The following MAGI1 variants were observed in gnomAD, a reference collection of about 807,000 sequenced individuals.
MAGI1 encodes membrane associated guanylate kinase, WW and PDZ domain containing 1.
Under a neutral mutation model 139.9 loss-of-function variants are expected in MAGI1, and 58 were observed. The ratio of observed to expected loss-of-function variants is 0.41; its 90% CI spans 0.34 to 0.52. The LOEUF (loss-of-function observed/expected upper bound fraction) is 0.52. Ranked by LOEUF, MAGI1 falls within the 20% of genes least tolerant of loss-of-function variation. The pLI is 0.12. For missense variants in MAGI1, 1,874 were observed against 1,901.6 expected, an observed-to-expected ratio of 0.99 and a Z score of 0.27; for synonymous variants, 812 against 737.9, an observed-to-expected ratio of 1.10 and a Z score of -1.63.
intron 1 of MAGI1, among the ~76,000 whole-genome samples, chr3:65,848,257 A>G (rs2059076773): frequency 6.6e-6 from 1 of 152,236 alleles, no homozygotes; most frequent in African/African-American, 2.4e-5. Flanking sequence ...AAGAAAACCA[A>G]ATGAGAAACA....
intron 2 of MAGI1, among the ~76,000 whole-genome samples, chr3:65,558,284 G>A (rs1023633869): frequency 1.3e-5 from 2 of 151,986 alleles, no homozygotes; most frequent in African/African-American, 2.4e-5. Context: ...CACTTTATTG[G>A]CCTCCTCTCT....
At chr3:65,683,999 TA>T (rs1273976864) in intron 1 of MAGI1, among the ~76,000 whole-genome samples, 6 of 118,506 alleles carry the variant, frequency 5.1e-5, no homozygotes, top group African/African-American at 2.0e-4. Flanking sequence ...AGCCCATGTC[TA>T]CAAAAAAAAA....
rs1245732603 is a variant in MAGI1, at chr3:65,731,480, C to T, written c.314-109392G>A. On this transcript the variant is annotated intron_variant, in intron 1 of 22. Transcript: ENST00000402939. ...CCAGCCTGGGCAACACAGTGAAGCCCTATCTCTTAAAAAAAAAAAAAAAAA... is the reference window on the plus strand; with the variant it reads ...CCAGCCTGGGCAACACAGTGAAGCCTTATCTCTTAAAAAAAAAAAAAAAAA... Among the ~76,000 whole-genome samples the T allele has an allele frequency of 7.0e-5, 10 of 142,020 alleles. No individual in the cohort carries two copies. The East Asian group carries it at 1.6e-3, about 22-fold the overall frequency. The allele number at this position is 142,020 out of a possible 152,430, so 93.2% of individuals were successfully genotyped here. A position where few individuals can be genotyped will look rare whatever the true frequency, so the allele number is the denominator to read the frequency against.
intron 1 of MAGI1, among the ~76,000 whole-genome samples, chr3:65,834,009 C>G (rs1271907651): frequency 6.6e-6 from 1 of 152,190 alleles, no homozygotes; most frequent in Non-Finnish European, 1.5e-5. Context: ...TTACTCAGCA[C>G]CTACTTCCCT....
At chr3:65,687,958 CAGTT>C (rs1437451641) in intron 1 of MAGI1, 31 of 738,046 alleles carry the variant, frequency 4.2e-5, no homozygotes, top group African/African-American at 3.3e-4. Flanking sequence ...TCTCAGTTCA[CAGTT>C]AAAGTTATCA....
At position 65,569,658 on chromosome 3, in the gene MAGI1, C is replaced by T. The variant is rs545123802; in HGVS notation, c.430+52314G>A. Among the ~76,000 whole-genome samples the T allele has an allele frequency of 2.0e-5, 3 of 152,154 alleles. No individual in the cohort carries two copies. In the South Asian group the frequency reaches 6.2e-4, roughly 32 times the overall value. On this transcript the variant is annotated intron_variant, in intron 2 of 22. Coordinates refer to ENST00000402939, the MANE Select transcript of MAGI1 (RefSeq NM_001033057.2). ...TTGAGAGGCCAAGGTGGGAGGACTG[C>T]TTGAGCCCAGAAGTTGGAGACCAGC...
intron 1 of MAGI1, among the ~76,000 whole-genome samples, chr3:65,920,089 G>A (rs1346433822): frequency 1.3e-5 from 2 of 152,146 alleles, no homozygotes; most frequent in Non-Finnish European, 2.9e-5. Context: ...TTTCTTGGCA[G>A]CCACACTTAT....
chr3:65,884,199 C>T (rs1054965146), intron 1 of MAGI1, among the ~76,000 whole-genome samples: 54 of 152,292 alleles, frequency 3.5e-4, no homozygotes, highest in Admixed American at 2.9e-3. Context: ...AAGAAAAACA[C>T]GTCCGAATAA....
At chr3:65,873,020 T>C (rs1269210589) in intron 1 of MAGI1, 1 of 152,202 alleles carries the variant, frequency 6.6e-6, no homozygotes, top group Non-Finnish European at 1.5e-5. Flanking sequence ...GGTCACGAAG[T>C]TGCACTTAAT....
chr3:65,602,405 C>G (rs954386794), intron 2 of MAGI1, among the ~76,000 whole-genome samples: 1 of 152,038 alleles, frequency 6.6e-6, no homozygotes, highest in Non-Finnish European at 1.5e-5. Flanking sequence ...CATGGATAAA[C>G]CTGAAAACAT....
chr3:65,799,542 T>C (rs886997748), intron 1 of MAGI1, among the ~76,000 whole-genome samples: 1 of 152,234 alleles, frequency 6.6e-6, no homozygotes, highest in Non-Finnish European at 1.5e-5. Flanking sequence ...TTGATCTCAT[T>C]ACTGTGCCTA....
At chr3:65,659,436 T>C (rs989949321) in intron 1 of MAGI1, among the ~76,000 whole-genome samples, 8 of 152,150 alleles carry the variant, frequency 5.3e-5, no homozygotes, top group African/African-American at 1.7e-4. Context: ...ACCTAGAACC[T>C]CATTATATGC....
intron 4 of MAGI1, among the ~76,000 whole-genome samples, chr3:65,471,148 G>GGGT (rs1950538416): frequency 6.6e-6 from 1 of 152,096 alleles, no homozygotes; most frequent in Admixed American, 6.6e-5. Flanking sequence ...AGTATCATGT[G>GGGT]GGTGGACTGA....
At chr3:65,766,245 A>C (rs1261828837) in intron 1 of MAGI1, among the ~76,000 whole-genome samples, 2 of 152,208 alleles carry the variant, frequency 1.3e-5, no homozygotes, top group Non-Finnish European at 2.9e-5. Flanking sequence ...TCGGGAGTTT[A>C]ATAAGCTAAG....
chr3:65,465,140 C>G (rs758524138), intron 5 of MAGI1, among the ~76,000 whole-genome samples: 13 of 151,076 alleles, frequency 8.6e-5, no homozygotes, highest in Non-Finnish European at 1.6e-4. Flanking sequence ...TAAATATTCT[C>G]TCTACACACA....
intron 2 of MAGI1, among the ~76,000 whole-genome samples, chr3:65,590,084 A>G (rs1472968150): frequency 6.6e-6 from 1 of 151,350 alleles, no homozygotes; most frequent in African/African-American, 2.4e-5. Flanking sequence ...CCTCTGAAAA[A>G]CTCCCATCCA....
intron 1 of MAGI1, among the ~76,000 whole-genome samples, chr3:65,945,742 A>G (rs1233680319): frequency 6.6e-6 from 1 of 152,212 alleles, no homozygotes; most frequent in Admixed American, 6.5e-5. Flanking sequence ...TATTCTGACC[A>G]CAGGGCATCC....
intron 2 of MAGI1, among the ~76,000 whole-genome samples, chr3:65,597,508 C>T (rs1028964092): frequency 2.0e-5 from 3 of 151,888 alleles, no homozygotes; most frequent in Non-Finnish European, 4.4e-5. Context: ...TTTTCTCCCC[C>T]CTCCCCCTTC....
chr3:65,509,179 A>G (rs561774472), intron 2 of MAGI1, among the ~76,000 whole-genome samples: 2 of 151,026 alleles, frequency 1.3e-5, no homozygotes, highest in South Asian at 4.2e-4. Flanking sequence ...TTGTTTCAAA[A>G]CAAAACAATC....
Sources: gnomAD v4.1 joint callset for allele counts (sites outside exome capture counted in the v4.1 genomes callset) on GRCh38, gnomAD v4.1.1 for gene constraint, MANE v1.5 for transcripts, NCBI Gene and HGNC (gene_info 2026-07-23, HGNC 2026-07-21) for gene names.